The following L3MBTL4 variants were observed in gnomAD, a reference collection of about 807,000 sequenced individuals.
The protein encoded by L3MBTL4 is lethal(3)malignant brain tumor-like protein 4.
In L3MBTL4, 70 loss-of-function variants were observed where a neutral mutation model predicts 84.5. That is an observed-to-expected ratio of 0.83 (90% CI 0.68 to 1.01). The LOEUF is 1.01. L3MBTL4 is among the 50% of genes least tolerant of loss of function. The pLI, the probability that L3MBTL4 is intolerant of heterozygous loss-of-function variation, is 0.00. For synonymous variants in L3MBTL4, 274 were observed against 259.8 expected, an observed-to-expected ratio of 1.05 and a Z score of -0.52; for missense variants, 715 against 754.8, an observed-to-expected ratio of 0.95 and a Z score of 0.62.
chr18:6,233,830 T>C (rs991183853), intron 10 of L3MBTL4, among the ~76,000 whole-genome samples: 6 of 152,116 alleles, frequency 3.9e-5, no homozygotes, highest in Non-Finnish European at 7.4e-5. Flanking sequence ...AAGGTTCATA[T>C]GGAACCAAAA....
chr18:6,022,170 G>A (rs573942303), intron 16 of L3MBTL4, among the ~76,000 whole-genome samples: 1 of 152,104 alleles, frequency 6.6e-6, no homozygotes, highest in South Asian at 2.1e-4. Flanking sequence ...CTTTTTTGTG[G>A]TTAATAGCAT....
intron 16 of L3MBTL4, among the ~76,000 whole-genome samples, chr18:5,983,630 A>G (rs1161290800): frequency 1.3e-5 from 2 of 152,158 alleles, no homozygotes; most frequent in Non-Finnish European, 2.9e-5. Context: ...ATTTAGGAAC[A>G]TTCTGCAGAG....
intron 16 of L3MBTL4, chr18:6,031,067 C>A (rs1386144218): frequency 5.1e-6 from 5 of 985,290 alleles, no homozygotes; most frequent in Non-Finnish European, 6.0e-6. Context: ...ACACTTAATA[C>A]ATCCAATTAT....
chr18:6,063,759 C>T (rs2057313517), intron 16 of L3MBTL4, among the ~76,000 whole-genome samples: 1 of 151,770 alleles, frequency 6.6e-6, no homozygotes, highest in African/African-American at 2.4e-5. Context: ...GATACTAGTC[C>T]TTTGTTAAAT....
At chr18:6,165,377 T>A (rs1376671826) in intron 13 of L3MBTL4, among the ~76,000 whole-genome samples, 1 of 151,960 alleles carries the variant, frequency 6.6e-6, no homozygotes, top group Non-Finnish European at 1.5e-5. Context: ...GACACATAAT[T>A]GTCAGATTCA....
At chr18:6,313,022 C>A (rs1166359828) in intron 1 of L3MBTL4, among the ~76,000 whole-genome samples, 1 of 152,178 alleles carries the variant, frequency 6.6e-6, no homozygotes, top group Non-Finnish European at 1.5e-5. Context: ...TCAGAAAGGT[C>A]TTCCTTGCCT....
rs199556016 is a variant in L3MBTL4 at position 6,064,601 on chromosome 18, T to TTG, written c.1444+16279_1444+16280insCA. On this transcript the variant is annotated intron_variant, in intron 16 of 18. Transcript: ENST00000317931. ...CCTTGATTAAGTATATTCCTAGGTT[T>TTG]TTTTTTTTTTTCAGCAGCAGTTGAA... 4.6e-3 allele frequency among the ~76,000 whole-genome samples: 690 copies of TTG among 151,414 alleles called. 10 individuals carry two copies. The highest frequency in any genetic ancestry group is 0.016 in the African/African-American group (667 of 41,300).
intron 16 of L3MBTL4, among the ~76,000 whole-genome samples, chr18:6,079,214 A>G (rs2057982607): frequency 6.6e-6 from 1 of 152,218 alleles, no homozygotes; most frequent in African/African-American, 2.4e-5. Context: ...AGGCTAGACT[A>G]GAAAGCAGGC....
chr18:6,392,336 A>G (rs909402027), intron 1 of L3MBTL4, among the ~76,000 whole-genome samples: 1 of 152,152 alleles, frequency 6.6e-6, no homozygotes, highest in South Asian at 2.1e-4. Context: ...ATCACTTGAG[A>G]TCGGGAGTTC....
At chr18:6,013,580 C>T (rs922259738) in intron 16 of L3MBTL4, among the ~76,000 whole-genome samples, 3 of 152,214 alleles carry the variant, frequency 2.0e-5, no homozygotes, top group African/African-American at 4.8e-5. Context: ...GCCCAGTGAA[C>T]GCCTAAGTTC....
chr18:6,227,649 C>T (rs2046831983), intron 10 of L3MBTL4, among the ~76,000 whole-genome samples: 1 of 151,948 alleles, frequency 6.6e-6, no homozygotes, highest in Non-Finnish European at 1.5e-5. Flanking sequence ...ATACAAAAAC[C>T]AGTTTTAAAA....
intron 12 of L3MBTL4, among the ~76,000 whole-genome samples, chr18:6,180,722 C>T (rs895576431): frequency 6.6e-5 from 10 of 152,150 alleles, no homozygotes; most frequent in African/African-American, 2.4e-4. Flanking sequence ...ATGAACCATC[C>T]TCTCCTCCAA....
intron 1 of L3MBTL4, among the ~76,000 whole-genome samples, chr18:6,382,577 G>T (rs1236732136): frequency 6.6e-6 from 1 of 152,168 alleles, no homozygotes; most frequent in Non-Finnish European, 1.5e-5. Flanking sequence ...CCCCTCTGCT[G>T]CAGGTCTGCT....
chr18:6,356,041 G>A (rs531299810), intron 1 of L3MBTL4, among the ~76,000 whole-genome samples: 1 of 152,286 alleles, frequency 6.6e-6, no homozygotes, highest in African/African-American at 2.4e-5. Context: ...CCTCAAAAAA[G>A]AGGCCTGAAC....
chr18:6,059,482 G>A (rs149251789), intron 16 of L3MBTL4, among the ~76,000 whole-genome samples: 3 of 152,154 alleles, frequency 2.0e-5, no homozygotes, highest in African/African-American at 7.2e-5. Flanking sequence ...TTAAACCAAA[G>A]TCTTGTATTC....
intron 12 of L3MBTL4, among the ~76,000 whole-genome samples, chr18:6,198,182 A>G (rs781118302): frequency 3.9e-5 from 6 of 152,212 alleles, no homozygotes; most frequent in Non-Finnish European, 2.9e-5. Flanking sequence ...GAAAAACACA[A>G]CTTGAACACA....
At position 6,223,143 on chromosome 18, in the gene L3MBTL4, A is replaced by G. The variant is rs139701886; in HGVS notation, c.785-7308T>C. 7.5e-3 allele frequency among the ~76,000 whole-genome samples: 1,142 copies of G among 152,146 alleles called. 16 individuals are homozygous for G. Among genetic ancestry groups the G allele is most frequent in the African/African-American group, 0.026 (1,071 of 41,552 alleles). On this transcript the variant is annotated intron_variant, in intron 10 of 18. Coordinates refer to ENST00000317931, the MANE Select transcript of L3MBTL4 (RefSeq NM_001330559.2). ...AGAATCTAAAAAAACCAACTGTGTTATTTCTACAAAGTACATTTCATTACC... is the reference window on the plus strand; with the variant it reads ...AGAATCTAAAAAAACCAACTGTGTTGTTTCTACAAAGTACATTTCATTACC...
intron 14 of L3MBTL4, among the ~76,000 whole-genome samples, chr18:6,111,070 A>T (rs2059181037): frequency 6.6e-6 from 1 of 151,992 alleles, no homozygotes. Context: ...CACCATTTGC[A>T]AGGAAAAGAA....
At chr18:6,179,395 T>C (rs946770697) in intron 12 of L3MBTL4, among the ~76,000 whole-genome samples, 2 of 152,210 alleles carry the variant, frequency 1.3e-5, no homozygotes, top group African/African-American at 4.8e-5. Context: ...TTTTAATATG[T>C]TTTCCTGATA....
Sources: gnomAD v4.1 joint callset for allele counts (sites outside exome capture counted in the v4.1 genomes callset) on GRCh38, gnomAD v4.1.1 for gene constraint, MANE v1.5 for transcripts, NCBI Gene and HGNC (gene_info 2026-07-23, HGNC 2026-07-21) for gene names.